Variants in ZBTB20 observed in about 807,000 individuals in gnomAD.
ZBTB20 encodes the protein zinc finger and BTB domain containing 20, also known as zinc finger and BTB domain-containing protein 20.
In ZBTB20, 9 loss-of-function variants were observed where a neutral mutation model predicts 56.9. That is an observed-to-expected ratio of 0.16 (90% CI 0.10 to 0.28). The LOEUF is 0.28. ZBTB20 is among the 10% of genes least tolerant of loss of function. The pLI is 1.00. For synonymous variants in ZBTB20, 417 were observed against 420.7 expected (o/e 0.99, Z 0.11); for missense variants, 655 against 1,003.0 (o/e 0.65, Z 4.69).
chr3:114,550,993 G>C (rs563175273), intron 6 of ZBTB20, among the ~76,000 whole-genome samples: 3 of 151,984 alleles, frequency 2.0e-5, no homozygotes, highest in African/African-American at 7.3e-5. Flanking sequence ...ACAAAGGATC[G>C]GCCCAGCTCA....
At chr3:115,038,026 A>C (rs1301525646) in intron 2 of ZBTB20, among the ~76,000 whole-genome samples, 1 of 152,252 alleles carries the variant, frequency 6.6e-6, no homozygotes, top group Non-Finnish European at 1.5e-5. Context: ...CTATTCAAAC[A>C]ATGAAGTTTC....
chr3:114,500,804 C>T (rs543626750), intron 6 of ZBTB20, among the ~76,000 whole-genome samples: 17 of 152,212 alleles, frequency 1.1e-4, no homozygotes, highest in African/African-American at 4.1e-4. Context: ...TCAGTCTTGC[C>T]AGCTTCATTT....
intron 2 of ZBTB20, among the ~76,000 whole-genome samples, chr3:115,010,728 A>G (rs768105706): frequency 1.6e-4 from 25 of 151,988 alleles, no homozygotes; most frequent in African/African-American, 5.8e-4. Context: ...TAACTCTTCA[A>G]TGCCTGGACA....
chr3:114,904,165 T>G (rs2075233574), intron 3 of ZBTB20, among the ~76,000 whole-genome samples: 1 of 152,064 alleles, frequency 6.6e-6, no homozygotes. Context: ...ACTTCTAGGT[T>G]GGCATAGCTG....
chr3:114,525,480 A>G (rs2047115332), intron 6 of ZBTB20, among the ~76,000 whole-genome samples: 1 of 151,772 alleles, frequency 6.6e-6, no homozygotes, highest in Non-Finnish European at 1.5e-5. Context: ...GTTTATGTCT[A>G]TTCCCCACAT....
chr3:114,999,136 G>GGGGGAAAGGGAGAGGGAGAGAGAA (rs1437989391), intron 2 of ZBTB20, among the ~76,000 whole-genome samples: 10 of 142,892 alleles, frequency 7.0e-5, no homozygotes, highest in Non-Finnish European at 1.4e-4. Context: ...GGAAGAGGAA[G>GGGGGAAAGGGAGAGGGAGAGAGAA]GGGGAAAGGG....
intron 6 of ZBTB20, among the ~76,000 whole-genome samples, chr3:114,556,783 T>C (rs2051281513): frequency 6.6e-6 from 1 of 151,972 alleles, no homozygotes; most frequent in Non-Finnish European, 1.5e-5. Context: ...AGAAGAGAAA[T>C]TTACAATTAG....
At chr3:114,804,552 A>G (rs1235603078) in intron 4 of ZBTB20, among the ~76,000 whole-genome samples, 1 of 151,984 alleles carries the variant, frequency 6.6e-6, no homozygotes, top group East Asian at 1.9e-4. Flanking sequence ...TTTAAGAGAC[A>G]GCCCTGTTTG....
At chr3:114,581,320 A>G (rs1248492072) in intron 6 of ZBTB20, among the ~76,000 whole-genome samples, 1 of 152,042 alleles carries the variant, frequency 6.6e-6, no homozygotes, top group Non-Finnish European at 1.5e-5. Context: ...TAAAACTGTT[A>G]GAAGAAAATA....
chr3:114,835,480 A>C (rs975907448), intron 4 of ZBTB20, among the ~76,000 whole-genome samples: 10 of 152,132 alleles, frequency 6.6e-5, no homozygotes, highest in Non-Finnish European at 1.3e-4. Flanking sequence ...TGAAGTGATC[A>C]TTTCTTCCCA....
intron 6 of ZBTB20, among the ~76,000 whole-genome samples, chr3:114,593,102 T>G (rs1273636827): frequency 1.3e-5 from 2 of 152,186 alleles, no homozygotes; most frequent in African/African-American, 4.8e-5. Context: ...CAAAGGCTTA[T>G]TTTTCCAAAA....
chr3:115,090,416 G>A (rs1313309735), intron 1 of ZBTB20, among the ~76,000 whole-genome samples: 1 of 151,400 alleles, frequency 6.6e-6, no homozygotes, highest in African/African-American at 2.4e-5. Flanking sequence ...AAACATTACT[G>A]TCAAAATTTA....
chr3:114,579,034 T>C (rs975606604), intron 6 of ZBTB20, among the ~76,000 whole-genome samples: 1 of 151,804 alleles, frequency 6.6e-6, no homozygotes, highest in Non-Finnish European at 1.5e-5. Context: ...CCACCTTTTT[T>C]ATACTAAGAA....
chr3:114,478,146 A>C (rs948408811), intron 7 of ZBTB20, among the ~76,000 whole-genome samples: 6 of 151,744 alleles, frequency 4.0e-5, no homozygotes, highest in African/African-American at 1.5e-4. Flanking sequence ...TTGTATTCTT[A>C]GTAGAGACAG....
At position 115,137,893 on chromosome 3, in the gene ZBTB20, T is replaced by G. The variant is rs374890971; in HGVS notation, c.-703+9326A>C. On this transcript the variant is annotated intron_variant, in intron 1 of 11. Coordinates refer to ENST00000675478, the MANE Select transcript of ZBTB20 (RefSeq NM_001348800.3). ...CACACAGATTGTGCTACATTGCATA[T>G]CTTTGTCATGCACTTAAACTTACTG... 3.3e-5 allele frequency among the ~76,000 whole-genome samples: 5 copies of G among 152,188 alleles called. No individual in the cohort carries two copies. In the South Asian group the frequency reaches 6.2e-4, roughly 19 times the overall value.
chr3:114,790,210 T>A (rs1041282573), intron 5 of ZBTB20, among the ~76,000 whole-genome samples: 4 of 152,202 alleles, frequency 2.6e-5, no homozygotes, highest in Admixed American at 2.6e-4. Context: ...AAAGAATTTT[T>A]AAAACAATTT....
At chr3:114,591,485 A>C (rs2055756559) in intron 6 of ZBTB20, among the ~76,000 whole-genome samples, 2 of 152,210 alleles carry the variant, frequency 1.3e-5, no homozygotes, top group Admixed American at 1.3e-4. Flanking sequence ...ATTCAAAAGA[A>C]ACAAAGTTAC....
At chr3:114,705,099 A>C (rs1341609752) in intron 5 of ZBTB20, among the ~76,000 whole-genome samples, 2 of 152,162 alleles carry the variant, frequency 1.3e-5, no homozygotes, top group Non-Finnish European at 1.5e-5. Flanking sequence ...CTAGTAAGGA[A>C]AAGGGCTGAG....
chr3:114,732,422 C>T (rs759211469), intron 5 of ZBTB20, among the ~76,000 whole-genome samples: 1 of 152,108 alleles, frequency 6.6e-6, no homozygotes, highest in African/African-American at 2.4e-5. Context: ...ACTGGAACAA[C>T]TGAGAAGATT....
Sources: gnomAD v4.1 joint callset for allele counts (sites outside exome capture counted in the v4.1 genomes callset) on GRCh38, gnomAD v4.1.1 for gene constraint, MANE v1.5 for transcripts, NCBI Gene and HGNC (gene_info 2026-07-23, HGNC 2026-07-21) for gene names.